The following LUZP2 variants were observed in gnomAD, a reference collection of about 807,000 sequenced individuals.
The protein encoded by LUZP2 is leucine zipper protein 2.
In LUZP2, 52 loss-of-function variants were observed where a neutral mutation model predicts 51.6. The ratio of observed to expected loss-of-function variants is 1.01; its 90% CI spans 0.81 to 1.27. The LOEUF is 1.27. Ranked by LOEUF, LUZP2 falls within the 50% of genes most tolerant of loss-of-function variation. The pLI is 0.00. For synonymous variants in LUZP2, 154 were observed against 137.3 expected, an observed-to-expected ratio of 1.12 and a Z score of -0.85; for missense variants, 436 against 395.4, an observed-to-expected ratio of 1.10 and a Z score of -0.87.
At chr11:24,600,890 T>C (rs1199858628) in intron 1 of LUZP2, among the ~76,000 whole-genome samples, 1 of 152,136 alleles carries the variant, frequency 6.6e-6, no homozygotes, top group Non-Finnish European at 1.5e-5. Context: ...TACAATGTCG[T>C]TGGCAGGATT....
At chr11:24,830,910 C>T (rs1034506737) in intron 5 of LUZP2, among the ~76,000 whole-genome samples, 7 of 152,034 alleles carry the variant, frequency 4.6e-5, no homozygotes, top group Non-Finnish European at 8.8e-5. Flanking sequence ...AGGAGAATGG[C>T]GTGAACCCGG....
chr11:24,971,413 C>T (rs900417745), intron 7 of LUZP2, among the ~76,000 whole-genome samples: 1 of 152,054 alleles, frequency 6.6e-6, no homozygotes, highest in African/African-American at 2.4e-5. Context: ...TTACCTCCTG[C>T]TGTGCTGCCC....
chr11:24,884,936 G>A (rs1852622956), intron 5 of LUZP2, among the ~76,000 whole-genome samples: 1 of 152,018 alleles, frequency 6.6e-6, no homozygotes, highest in Non-Finnish European at 1.5e-5. Context: ...TAGGGTGATT[G>A]CTATTCTGTA....
At position 24,562,794 on chromosome 11, in the gene LUZP2, G is replaced by A. The variant is rs192666549; in HGVS notation, c.62+65489G>A. On this transcript the variant is annotated intron_variant, in intron 1 of 11. Coordinates refer to ENST00000336930, the MANE Select transcript of LUZP2 (RefSeq NM_001009909.4). ...GGAGAATGGCATGAACCCGGGAGGC[G>A]AAGCTTACAGTGAGCCGAGATCACG... Among the ~76,000 whole-genome samples the A allele has an allele frequency of 1.7e-3, 262 of 150,112 alleles. 1 individual carries two copies. The highest frequency in any genetic ancestry group is 4.3e-3 in the African/African-American group (174 of 40,764).
At chr11:24,881,357 A>G (rs1176086572) in intron 5 of LUZP2, among the ~76,000 whole-genome samples, 1 of 151,928 alleles carries the variant, frequency 6.6e-6, no homozygotes, top group Admixed American at 6.6e-5. Context: ...TCGTCTTAGC[A>G]AGAGAAGTTT....
chr11:24,619,005 ATTATTTATTTAT>A (rs66554611), intron 1 of LUZP2, among the ~76,000 whole-genome samples: 24,267 of 143,886 alleles, frequency 0.17, 2,245 homozygotes, highest in African/African-American at 0.25. Flanking sequence ...ACCACTTAGC[ATTATTTATTTAT>A]TTATTTATTT....
At chr11:24,919,390 A>T (rs1448044407) in intron 7 of LUZP2, among the ~76,000 whole-genome samples, 2 of 53,878 alleles carry the variant, frequency 3.7e-5, no homozygotes, top group Non-Finnish European at 6.2e-5. Context: ...TATATTGATA[A>T]TATATGTTAT....
intron 5 of LUZP2, among the ~76,000 whole-genome samples, chr11:24,833,712 G>GCGCGCACACACA (rs112834221): frequency 4.1e-5 from 6 of 147,130 alleles, no homozygotes; most frequent in African/African-American, 1.5e-4. Context: ...CCGCGCGCGC[G>GCGCGCACACACA]CACACACACA....
At chr11:24,965,530 G>T (rs940750910) in intron 7 of LUZP2, among the ~76,000 whole-genome samples, 7 of 151,434 alleles carry the variant, frequency 4.6e-5, no homozygotes, top group African/African-American at 7.3e-5. Context: ...GCATTCTCTG[G>T]GTGAAATATA....
At chr11:24,709,113 G>T (rs1329864013) in intron 1 of LUZP2, among the ~76,000 whole-genome samples, 30 of 152,092 alleles carry the variant, frequency 2.0e-4, no homozygotes. Context: ...CTCTATTTGT[G>T]ATAGAGAATA....
intron 9 of LUZP2, among the ~76,000 whole-genome samples, chr11:25,023,557 C>A (rs982896415): frequency 8.1e-6 from 1 of 122,766 alleles, no homozygotes; most frequent in East Asian, 2.0e-4. Flanking sequence ...ATCTTGCTAG[C>A]GGTATATCAA....
chr11:24,529,687 T>G (rs1326251389), intron 1 of LUZP2, among the ~76,000 whole-genome samples: 1 of 150,990 alleles, frequency 6.6e-6, no homozygotes, highest in African/African-American at 2.4e-5. Context: ...TCTCCACAAG[T>G]AGTGAAATTT....
rs1853141713 is a variant in LUZP2, at chr11:24,898,075, C to G, written c.397-7916C>G. 2.0e-5 allele frequency among the ~76,000 whole-genome samples: 3 copies of G among 151,906 alleles called. No individual in the cohort carries two copies. In the South Asian group the frequency reaches 6.2e-4, roughly 32 times the overall value. On this transcript the variant is annotated intron_variant, in intron 5 of 11. Transcript: ENST00000336930. The stretch of plus-strand genomic sequence containing the variant: ...AGTTGAATGGATCTAGGAGATTCTG[C>G]TATTGAGAAGAAAAAAACTGGAATG...
At chr11:24,970,392 A>C (rs1855709198) in intron 7 of LUZP2, among the ~76,000 whole-genome samples, 1 of 152,160 alleles carries the variant, frequency 6.6e-6, no homozygotes, top group African/African-American at 2.4e-5. Flanking sequence ...GAGGAAAGTA[A>C]GGTATAGTTT....
At chr11:24,543,823 C>CAAAAAAAA (rs71041774) in intron 1 of LUZP2, among the ~76,000 whole-genome samples, 1,321 of 75,508 alleles carry the variant, frequency 0.017, 232 homozygotes, top group African/African-American at 0.064. Context: ...CTCTGTCTCA[C>CAAAAAAAA]AAAAAAAAAA....
At chr11:24,857,312 TAC>T (rs34365598) in intron 5 of LUZP2, among the ~76,000 whole-genome samples, 87,858 of 132,802 alleles carry the variant, frequency 0.66, 27,408 homozygotes, top group Middle Eastern at 0.73. Context: ...TACATATATA[TAC>T]ACACACACAC....
chr11:24,516,916 T>G (rs1247230331), intron 1 of LUZP2, among the ~76,000 whole-genome samples: 1 of 152,218 alleles, frequency 6.6e-6, no homozygotes, highest in African/African-American at 2.4e-5. Flanking sequence ...TGTGAGTTAC[T>G]TATTTTTACA....
rs748533379 is a variant in LUZP2, at chr11:24,991,390, G to GTATATATA, written c.765+8098_765+8099insATATATAT. On this transcript the variant is annotated intron_variant, in intron 9 of 11. Transcript: ENST00000336930. ...TGTGTATATATATGTGTGTGTGTGT[G>GTATATATA]TGTGTGTATATATATATATATATAT... Among the ~76,000 whole-genome samples the GTATATATA allele has an allele frequency of 8.3e-3, 526 of 63,438 alleles. 1 individual carries two copies. Among genetic ancestry groups the GTATATATA allele is most frequent in the Admixed American group, 0.018 (71 of 3,960 alleles). 41.6% of individuals were successfully genotyped at this position (63,438 alleles called of 152,430 possible). A position where few individuals can be genotyped will look rare whatever the true frequency, so the allele number is the denominator to read the frequency against.
intron 9 of LUZP2, among the ~76,000 whole-genome samples, chr11:24,994,154 T>C (rs1389704109): frequency 1.7e-5 from 2 of 119,288 alleles, no homozygotes; most frequent in East Asian, 5.4e-4. Flanking sequence ...CCACTGCACC[T>C]GGCCCTTTTT....
Sources: allele counts gnomAD v4.1 joint callset (sites outside exome capture counted in the v4.1 genomes callset), GRCh38; gene constraint gnomAD v4.1.1; transcripts MANE v1.5; gene names NCBI Gene and HGNC (gene_info 2026-07-23, HGNC 2026-07-21).